RNF13: variants seen among roughly 807,000 people sequenced by gnomAD.
The protein encoded by RNF13 is E3 ubiquitin-protein ligase RNF13.
A neutral mutation model predicts 37.7 loss-of-function variants in RNF13; 19 were observed. The observed-to-expected ratio is 0.50, with a 90% CI of 0.35 to 0.74. The LOEUF is 0.74. Ranked by LOEUF, RNF13 falls within the 30% of genes least tolerant of loss-of-function variation. The pLI, the probability that RNF13 is intolerant of heterozygous loss-of-function variation, is 0.01. For missense variants in RNF13, 375 were observed against 453.0 expected (o/e 0.83, Z 1.56); for synonymous variants, 144 against 157.8 (o/e 0.91, Z 0.65).
intron 4 of RNF13, among the ~76,000 whole-genome samples, chr3:149,890,149 T>C (rs1714543859): frequency 6.6e-6 from 1 of 152,234 alleles, no homozygotes; most frequent in East Asian, 1.9e-4. Flanking sequence ...AGTTCAAAAA[T>C]TGGCTATGAA....
At chr3:149,952,572 T>C (rs1721446975) in intron 8 of RNF13, among the ~76,000 whole-genome samples, 1 of 152,062 alleles carries the variant, frequency 6.6e-6, no homozygotes, top group African/African-American at 2.4e-5. Flanking sequence ...AAAAGAATAA[T>C]AATGAACCTT....
intron 4 of RNF13, among the ~76,000 whole-genome samples, chr3:149,877,794 A>G (rs1712917506): frequency 6.6e-6 from 1 of 152,118 alleles, no homozygotes; most frequent in Non-Finnish European, 1.5e-5. Flanking sequence ...AGATTCCACT[A>G]AAGGAGCATA....
At chr3:149,936,363 ACT>A (rs1719674058) in intron 8 of RNF13, among the ~76,000 whole-genome samples, 1 of 151,660 alleles carries the variant, frequency 6.6e-6, no homozygotes, top group Admixed American at 6.6e-5. Flanking sequence ...AAGGCCAATG[ACT>A]CTTAAATTTG....
Position 149,895,510 on chromosome 3 carries a change from T to C in RNF13, c.359T>C (p.Ile120Thr). The change falls in exon 5 of 10, where the codon ATA (isoleucine) becomes ACA (threonine). Residue 120 changes from isoleucine to threonine, a missense_variant. Coordinates refer to ENST00000392894, the MANE Select transcript of RNF13 (RefSeq NM_183381.3). Reference sequence around the variant, plus strand: ...CAGAGAGCAGGATACAAGGCAGCCATAGTTCACAATGTTGATTCTGATGAC... The same window carrying C: ...CAGAGAGCAGGATACAAGGCAGCCACAGTTCACAATGTTGATTCTGATGAC... ...NAQRAGYKAA[I>T]VHNVDSDDLI... 6.2e-7 allele frequency: 1 copy of C among 1,607,178 alleles called. No individual in the cohort carries two copies. The highest frequency in any genetic ancestry group is 2.2e-5 in the East Asian group (1 of 44,610).
At chr3:149,902,051 T>C in intron 5 of RNF13, 21 bp from the exon 6 acceptor site, 1 of 1,130,808 alleles carries the variant, frequency 8.8e-7, no homozygotes, top group Non-Finnish European at 1.2e-6. Flanking sequence ...TTAAGAATAA[T>C]TTCATTATTC....
rs79214779 is a variant in RNF13, at chr3:149,834,224, C to T, written c.-16-11787C>T. ...GGATTCAATGTAATATTATCAAAAT[C>T]GCAATAACCTTCTTGCAGAAATAGG... is the stretch of plus-strand genomic sequence containing the variant. On this transcript the variant is annotated intron_variant, in intron 1 of 9. Transcript: ENST00000392894. 4.5e-3 allele frequency among the ~76,000 whole-genome samples: 687 copies of T among 152,244 alleles called. 6 individuals are homozygous for T. Among genetic ancestry groups the T allele is most frequent in the African/African-American group, 0.016 (656 of 41,550 alleles).
intron 8 of RNF13, among the ~76,000 whole-genome samples, chr3:149,948,507 A>G (rs566138444): frequency 8.5e-5 from 13 of 152,052 alleles, no homozygotes; most frequent in African/African-American, 3.1e-4. Flanking sequence ...TATTCTACAG[A>G]TATCTTCCTT....
chr3:149,915,495 T>C (rs984404531), intron 7 of RNF13, among the ~76,000 whole-genome samples: 1 of 152,190 alleles, frequency 6.6e-6, no homozygotes. Context: ...ATTCCACTTC[T>C]GGGTATATAC....
intron 1 of RNF13, among the ~76,000 whole-genome samples, chr3:149,819,664 T>G (rs1206533536): frequency 2.6e-5 from 4 of 152,150 alleles, no homozygotes; most frequent in African/African-American, 9.7e-5. Flanking sequence ...AGAAAAAGAC[T>G]GGAGGAATGG....
At chr3:149,920,120 G>T (rs1373952141) in intron 7 of RNF13, among the ~76,000 whole-genome samples, 1 of 151,814 alleles carries the variant, frequency 6.6e-6, no homozygotes, top group African/African-American at 2.4e-5. Context: ...GTTTTGAGAG[G>T]TTTTTATATA....
intron 3 of RNF13, among the ~76,000 whole-genome samples, chr3:149,860,274 TA>T (rs1444360673): frequency 2.1e-5 from 2 of 95,566 alleles, no homozygotes; most frequent in Non-Finnish European, 4.0e-5. Flanking sequence ...AAAAAAAATA[TA>T]TATATATATA....
intron 4 of RNF13, among the ~76,000 whole-genome samples, chr3:149,891,733 G>C (rs1403052565): frequency 6.6e-6 from 1 of 151,884 alleles, no homozygotes; most frequent in East Asian, 1.9e-4. Flanking sequence ...ATTTAGATTT[G>C]TTCACTGTGC....
intron 8 of RNF13, among the ~76,000 whole-genome samples, chr3:149,930,103 A>G (rs1335801939): frequency 1.3e-5 from 2 of 151,924 alleles, no homozygotes; most frequent in South Asian, 4.2e-4. Flanking sequence ...TTTTTTTTGT[A>G]TTTTTAGTAG....
intron 8 of RNF13, among the ~76,000 whole-genome samples, chr3:149,922,811 G>C (rs966256283): frequency 2.6e-5 from 4 of 152,150 alleles, no homozygotes; most frequent in African/African-American, 9.7e-5. Flanking sequence ...GGAGAGGTGT[G>C]ACTATAATAC....
intron 6 of RNF13, among the ~76,000 whole-genome samples, chr3:149,907,324 C>T (rs553922054): frequency 3.3e-5 from 5 of 152,238 alleles, no homozygotes; most frequent in African/African-American, 9.6e-5. Flanking sequence ...CTTGTTACTC[C>T]CTTTAGTAAG....
intron 4 of RNF13, among the ~76,000 whole-genome samples, chr3:149,887,093 C>T (rs1714120711): frequency 1.3e-5 from 2 of 152,100 alleles, no homozygotes; most frequent in South Asian, 2.1e-4. Flanking sequence ...AGACTTGAAT[C>T]GCTGACACCA....
intron 3 of RNF13, among the ~76,000 whole-genome samples, chr3:149,866,784 C>T (rs931283117): frequency 2.0e-4 from 31 of 152,156 alleles, no homozygotes; most frequent in African/African-American, 7.2e-4. Flanking sequence ...TTCTTAATTT[C>T]TTTATTCACC....
At chr3:149,829,211 T>A (rs1720798356) in intron 1 of RNF13, among the ~76,000 whole-genome samples, 1 of 152,168 alleles carries the variant, frequency 6.6e-6, no homozygotes, top group Non-Finnish European at 1.5e-5. Flanking sequence ...GCGATTCTCC[T>A]GCCTCAGCCT....
chr3:149,857,778 G>A (rs73870454), intron 3 of RNF13, among the ~76,000 whole-genome samples: 4,550 of 152,134 alleles, frequency 0.03, 80 homozygotes, highest in South Asian at 0.036. Context: ...ATAATGTAAC[G>A]TATGACTCTA....
Sources: allele counts gnomAD v4.1 joint callset (sites outside exome capture counted in the v4.1 genomes callset), GRCh38; gene constraint gnomAD v4.1.1; transcripts MANE v1.5; gene names NCBI Gene and HGNC (gene_info 2026-07-23, HGNC 2026-07-21).